The following EXT2 variants were observed in gnomAD, a reference collection of about 807,000 sequenced individuals.
The protein encoded by EXT2 is exostosin glycosyltransferase 2.
EXT2 carries 53 observed loss-of-function variants against 81.6 expected under a neutral mutation model. That is an observed-to-expected ratio of 0.65 (90% confidence interval 0.52 to 0.82). The LOEUF is 0.82. EXT2 is among the 40% of genes least tolerant of loss of function. The pLI is 0.00. For synonymous variants in EXT2, 320 were observed against 340.0 expected (o/e 0.94, Z 0.65); for missense variants, 774 against 910.2 (o/e 0.85, Z 1.93).
intron 4 of EXT2, among the ~76,000 whole-genome samples, chr11:44,123,501 C>G (rs1449790461): frequency 6.6e-6 from 1 of 152,136 alleles, no homozygotes; most frequent in Non-Finnish European, 1.5e-5. Flanking sequence ...ACACTGATTC[C>G]TTGTGGTCCC....
chr11:44,145,439 G>T (rs1954703927), intron 7 of EXT2, among the ~76,000 whole-genome samples: 1 of 152,150 alleles, frequency 6.6e-6, no homozygotes. Context: ...GTTTTCAGAA[G>T]AGTTATCAGA....
In EXT2 at chr11:44,244,336, G is replaced by C. The variant is rs764122969; in HGVS notation, c.*49G>C. ...AATGTGAGGCTGGGACAGAGGGAGA[G>C]AACAAGGCCTCCCAGCACTCTGATG... On this transcript the variant is annotated 3_prime_UTR_variant, in exon 14 of 14. Coordinates refer to ENST00000533608, the MANE Select transcript of EXT2 (RefSeq NM_207122.2). The C allele has an allele frequency of 6.2e-7, 1 of 1,603,300 alleles. No individual in the cohort carries two copies.
At chr11:44,111,413 G>C (rs932537981) in intron 3 of EXT2, among the ~76,000 whole-genome samples, 2 of 152,020 alleles carry the variant, frequency 1.3e-5, no homozygotes, top group African/African-American at 4.8e-5. Flanking sequence ...TGTTTTTCTA[G>C]TCTTTTTTCT....
intron 7 of EXT2, among the ~76,000 whole-genome samples, chr11:44,135,906 A>G (rs1488425929): frequency 1.3e-5 from 2 of 152,190 alleles, no homozygotes; most frequent in Non-Finnish European, 2.9e-5. Context: ...GTTTCTTCCC[A>G]CAAAACTGTT....
In EXT2 at chr11:44,232,270, T is replaced by C. The variant is rs1187464035; in HGVS notation, c.1663-83T>C. 4 of 1,580,630 alleles carry C rather than the reference T, an allele frequency of 2.5e-6. No homozygotes were observed. In the African/African-American group the frequency reaches 5.4e-5, roughly 21 times the overall value. Reference sequence around the variant, plus strand: ...TATGATGGTTTGAACCTAGGAAGTCTGTTGATACCTGTTTGGATAACTCAG... The same window carrying C: ...TATGATGGTTTGAACCTAGGAAGTCCGTTGATACCTGTTTGGATAACTCAG... On this transcript the variant is annotated intron_variant, in intron 10 of 13. Transcript: ENST00000533608.
intron 8 of EXT2, among the ~76,000 whole-genome samples, chr11:44,177,637 C>T (rs1955177154): frequency 6.6e-6 from 1 of 152,078 alleles, no homozygotes; most frequent in South Asian, 2.1e-4. Flanking sequence ...GGAGTGTTTT[C>T]CCATGTTATT....
In EXT2 at chr11:44,113,869, G is replaced by A. The variant is rs78015527; in HGVS notation, c.627-316G>A. Among the ~76,000 whole-genome samples the A allele has an allele frequency of 1.4e-3, 216 of 152,254 alleles. 2 individuals carry two copies. Among genetic ancestry groups the A allele is most frequent in the East Asian group, 9.3e-3 (48 of 5,180 alleles). The stretch of plus-strand genomic sequence containing the variant: ...TGTGTTTATTTATAAAGTATGACTA[G>A]GGAGAGGTGAATGGGATCTGAGGGA... On this transcript the variant is annotated intron_variant, in intron 3 of 13. Transcript: ENST00000533608.
In EXT2 at chr11:44,232,420, T is replaced by A. The variant is rs1955910169; in HGVS notation, c.1730T>A (p.Met577Lys). 6.2e-7 allele frequency: 1 copy of A among 1,613,928 alleles called. No individual in the cohort carries two copies. The highest frequency in any genetic ancestry group is 8.5e-7 in the Non-Finnish European group (1 of 1,179,988). ...CGTCTGCATCTCTGGGACCATGAGA[T>A]GAATAAGTGGAAGTATGAGTCTGAG... ...PGRLHLWDHE[M>K]NKWKYESEWT... The change falls in exon 11 of 14, where the codon ATG becomes AAG. Residue 577 changes from methionine (M) to lysine (K), a missense_variant. Physicochemically the swap from Met to Lys is moderately conservative, Grantham distance 95 (BLOSUM62 -1). Transcript: ENST00000533608.
intron 7 of EXT2, among the ~76,000 whole-genome samples, chr11:44,148,678 AAC>A (rs1565212431): frequency 6.6e-6 from 1 of 152,214 alleles, no homozygotes; most frequent in Non-Finnish European, 1.5e-5. Context: ...TAATTTAATC[AAC>A]AGATATTTAT....
chr11:44,240,078 A>G (rs572143600), intron 13 of EXT2, among the ~76,000 whole-genome samples: 1 of 152,334 alleles, frequency 6.6e-6, no homozygotes, highest in South Asian at 2.1e-4. Flanking sequence ...AACTCTGTAC[A>G]TGTTTAGTAT....
At chr11:44,127,529 A>G (rs1380217110) in intron 6 of EXT2, among the ~76,000 whole-genome samples, 1 of 152,234 alleles carries the variant, frequency 6.6e-6, no homozygotes, top group Non-Finnish European at 1.5e-5. Flanking sequence ...GAGGTGGAAC[A>G]GTTTCATCCC....
chr11:44,141,494 G>T (rs1348251110), intron 7 of EXT2, among the ~76,000 whole-genome samples: 1 of 152,198 alleles, frequency 6.6e-6, no homozygotes, highest in African/African-American at 2.4e-5. Flanking sequence ...TGATGACTAA[G>T]TTGATATCAT....
At chr11:44,136,013 A>G (rs1954560971) in intron 7 of EXT2, among the ~76,000 whole-genome samples, 1 of 152,222 alleles carries the variant, frequency 6.6e-6, no homozygotes, top group South Asian at 2.1e-4. Context: ...TTTAGCATAT[A>G]TGTTTTTAAG....
At chr11:44,207,219 A>G (rs1215511573) in intron 10 of EXT2, among the ~76,000 whole-genome samples, 1 of 152,214 alleles carries the variant, frequency 6.6e-6, no homozygotes, top group African/African-American at 2.4e-5. Flanking sequence ...GACAATTTCA[A>G]AAGAGCATCT....
intron 7 of EXT2, among the ~76,000 whole-genome samples, chr11:44,153,566 T>C (rs1240042173): frequency 6.6e-6 from 1 of 152,084 alleles, no homozygotes; most frequent in Non-Finnish European, 1.5e-5. Context: ...AAAAGGAGTG[T>C]GAGAGGGGAC....
Position 44,148,629 on chromosome 11 carries a change from TA to T in EXT2, c.1173+18495del, listed in dbSNP as rs1222573097. ...TGAGGATTAAATAAATTAATACAGG[TA>T]AAATACTTAAAATAGCGCCCAATAC... On this transcript the variant is annotated intron_variant, in intron 7 of 13. Coordinates refer to ENST00000533608, the MANE Select transcript of EXT2 (RefSeq NM_207122.2). Among the ~76,000 whole-genome samples, 4 of 152,302 alleles carry T rather than the reference TA, an allele frequency of 2.6e-5. No homozygotes were observed. The East Asian group carries it at 5.8e-4, about 22-fold the overall frequency.
chr11:44,206,782 TCTTTTTC>T lies in EXT2; in HGVS notation c.1496-9_1496-3del. The T allele has an allele frequency of 6.2e-7, 1 of 1,613,946 alleles. No homozygotes were observed. On this transcript the variant is annotated splice_polypyrimidine_tract_variant and splice_region_variant and intron_variant, in intron 9 of 13. Transcript: ENST00000533608. The stretch of plus-strand genomic sequence containing the variant: ...TTAGGAGAATAGTAAATACCTTTTC[TCTTTTTC>T]CAGATTCTCTCTGGCCCAAAATCCG...
intron 1 of EXT2, among the ~76,000 whole-genome samples, chr11:44,099,836 G>A (rs1349822303): frequency 2.0e-5 from 3 of 152,182 alleles, no homozygotes; most frequent in African/African-American, 7.2e-5. Flanking sequence ...TTAGTAAGGG[G>A]CTTTTCCCCT....
chr11:44,241,540 A>G (rs1400284281), intron 13 of EXT2, among the ~76,000 whole-genome samples: 1 of 152,258 alleles, frequency 6.6e-6, no homozygotes, highest in Non-Finnish European at 1.5e-5. Context: ...CCTGTAGCAC[A>G]GGGCCTGGGA....
Sources: allele counts gnomAD v4.1 joint callset (sites outside exome capture counted in the v4.1 genomes callset), GRCh38; gene constraint gnomAD v4.1.1; transcripts MANE v1.5; gene names NCBI Gene and HGNC (gene_info 2026-07-23, HGNC 2026-07-21).